Variants in STAP1 observed in about 807,000 individuals in gnomAD.
STAP1 encodes signal transducing adaptor family member 1.
In STAP1, 30 loss-of-function variants were observed where a neutral mutation model predicts 37.8. The ratio of observed to expected loss-of-function variants is 0.79; its 90% CI spans 0.59 to 1.08. STAP1 has a LOEUF of 1.08. Ranked by LOEUF, STAP1 falls within the 50% of genes least tolerant of loss-of-function variation. The pLI, the probability that STAP1 is intolerant of heterozygous loss-of-function variation, is 0.00. For missense variants in STAP1, 357 were observed against 349.4 expected, an observed-to-expected ratio of 1.02 and a Z score of -0.17; for synonymous variants, 130 against 116.0, an observed-to-expected ratio of 1.12 and a Z score of -0.78.
intron 1 of STAP1, among the ~76,000 whole-genome samples, chr4:67,565,463 A>G (rs1015418892): frequency 2.6e-5 from 4 of 152,244 alleles, no homozygotes; most frequent in Non-Finnish European, 5.9e-5. Context: ...AGATACTGCT[A>G]TCACACCCAC....
At chr4:67,594,513 C>T (rs529628095) in intron 8 of STAP1, among the ~76,000 whole-genome samples, 2 of 151,558 alleles carry the variant, frequency 1.3e-5, no homozygotes, top group Non-Finnish European at 3.0e-5. Context: ...TGAAGCAGCA[C>T]AGTTCACTTC....
chr4:67,574,872 A>G (rs1213618221), intron 2 of STAP1, among the ~76,000 whole-genome samples: 1 of 152,198 alleles, frequency 6.6e-6, no homozygotes, highest in African/African-American at 2.4e-5. Context: ...AGGTTTACCA[A>G]TTTGCATGGT....
intron 8 of STAP1, among the ~76,000 whole-genome samples, chr4:67,603,887 A>C (rs1728396405): frequency 2.0e-5 from 3 of 152,090 alleles, no homozygotes; most frequent in Admixed American, 6.5e-5. Flanking sequence ...GTGTCTCACT[A>C]GGTCATGTGC....
intron 6 of STAP1, among the ~76,000 whole-genome samples, chr4:67,587,742 T>C (rs1200739203): frequency 2.8e-5 from 4 of 141,810 alleles, no homozygotes; most frequent in Non-Finnish European, 6.1e-5. Flanking sequence ...TTTTTTGAGA[T>C]GGAGTTTTGC....
intron 4 of STAP1, among the ~76,000 whole-genome samples, chr4:67,579,155 A>G (rs1360203134): frequency 6.6e-6 from 1 of 152,262 alleles, no homozygotes; most frequent in Non-Finnish European, 1.5e-5. Flanking sequence ...CGCCCAGCCC[A>G]TGTGAATTTT....
intron 2 of STAP1, 57 bp downstream of exon 2, chr4:67,571,212 C>T (rs558368751): frequency 8.5e-7 from 1 of 1,169,766 alleles, no homozygotes; most frequent in East Asian, 2.4e-5. Context: ...TGTCACATAG[C>T]ATATTATTCA....
chr4:67,590,994 G>T (rs535210480), intron 7 of STAP1, 41 bp downstream of exon 7: 3 of 1,515,650 alleles, frequency 2.0e-6, no homozygotes, highest in East Asian at 2.3e-5. Flanking sequence ...ACTTCCTCCC[G>T]ATTCCTTATA....
intron 5 of STAP1, among the ~76,000 whole-genome samples, chr4:67,581,740 A>T (rs1381124481): frequency 6.6e-6 from 1 of 152,206 alleles, no homozygotes; most frequent in African/African-American, 2.4e-5. Flanking sequence ...CTCACGCCTA[A>T]ATAAAAACTC....
In STAP1 at chr4:67,595,736, C is replaced by T. The variant is rs541612893; in HGVS notation, c.826+2380C>T. ...TCTTTGCTCTTTTCTTTTTCAAAAT[C>T]GTTTGGACTAGTCTAGTTTCTTTGC... On this transcript the variant is annotated intron_variant, in intron 8 of 8. Coordinates refer to ENST00000265404, the MANE Select transcript of STAP1 (RefSeq NM_012108.4). Among the ~76,000 whole-genome samples the T allele has an allele frequency of 8.5e-5, 13 of 152,146 alleles. No homozygotes were observed. The South Asian group carries it at 1.0e-3, about 12-fold the overall frequency.
intron 6 of STAP1, among the ~76,000 whole-genome samples, chr4:67,588,630 C>G (rs538629589): frequency 6.6e-6 from 1 of 151,988 alleles, no homozygotes. Flanking sequence ...AGGATGGTCT[C>G]GATCTCCTGA....
intron 6 of STAP1, 119 bp downstream of exon 6, chr4:67,583,821 G>A (rs891941626): frequency 7.3e-6 from 9 of 1,236,848 alleles, no homozygotes; most frequent in Admixed American, 5.6e-5. Context: ...ACAAGTGGCC[G>A]GGTGCGGTGG....
chr4:67,580,846 C>G (rs1177540438), intron 4 of STAP1, among the ~76,000 whole-genome samples: 2 of 152,244 alleles, frequency 1.3e-5, no homozygotes, highest in Non-Finnish European at 2.9e-5. Context: ...GACTGCTGCT[C>G]TTCAGTCACC....
intron 8 of STAP1, among the ~76,000 whole-genome samples, chr4:67,602,346 TGC>T (rs1476926547): frequency 6.6e-6 from 1 of 152,100 alleles, no homozygotes; most frequent in African/African-American, 2.4e-5. Context: ...TGGTCACTGG[TGC>T]TTTATTTAGT....
chr4:67,577,288 C>CTTTT, intron 4 of STAP1, 29 bp downstream of exon 4: 1 of 1,256,216 alleles, frequency 8.0e-7, no homozygotes, highest in African/African-American at 1.6e-5. Flanking sequence ...TTGATTGATT[C>CTTTT]TTTTTTTTTT....
intron 1 of STAP1, among the ~76,000 whole-genome samples, chr4:67,562,714 G>A (rs1727377854): frequency 6.6e-6 from 1 of 152,004 alleles, no homozygotes; most frequent in Non-Finnish European, 1.5e-5. Flanking sequence ...GGAGCTTGCA[G>A]GGAGCGGAGA....
intron 8 of STAP1, among the ~76,000 whole-genome samples, chr4:67,597,752 T>C (rs547349995): frequency 6.6e-6 from 1 of 152,360 alleles, no homozygotes; most frequent in East Asian, 1.9e-4. Context: ...ATGGATCCCG[T>C]AGCCCCTTTG....
chr4:67,596,398 G>A (rs1397591800), intron 8 of STAP1, among the ~76,000 whole-genome samples: 2 of 152,156 alleles, frequency 1.3e-5, no homozygotes, highest in Non-Finnish European at 2.9e-5. Context: ...TTATAGCAGT[G>A]TGAAAATGGA....
chr4:67,599,332 G>A (rs1265661237), intron 8 of STAP1, among the ~76,000 whole-genome samples: 1 of 151,580 alleles, frequency 6.6e-6, no homozygotes, highest in Admixed American at 6.6e-5. Context: ...TGAAGCCATT[G>A]GGTCCCAGGC....
chr4:67,559,050 T>C, intron 1 of STAP1, 121 bp downstream of exon 1: 1 of 1,037,236 alleles, frequency 9.6e-7, no homozygotes, highest in Non-Finnish European at 1.3e-6. Flanking sequence ...TCTTCTCTTC[T>C]TTGAGCTCAG....
Sources: gnomAD v4.1 joint callset for allele counts (sites outside exome capture counted in the v4.1 genomes callset) on GRCh38, gnomAD v4.1.1 for gene constraint, MANE v1.5 for transcripts, NCBI Gene and HGNC (gene_info 2026-07-23, HGNC 2026-07-21) for gene names.